The following CLVS1 variants were observed in gnomAD, a reference collection of about 807,000 sequenced individuals.
The protein encoded by CLVS1 is clavesin-1.
In CLVS1, 10 loss-of-function variants were observed where a neutral mutation model predicts 33.1. The observed-to-expected ratio is 0.30, with a 90% confidence interval of 0.19 to 0.51. The LOEUF (loss-of-function observed/expected upper bound fraction) is 0.51. Among genes scored for constraint, CLVS1 ranks in the 20% least tolerant of loss-of-function variants. The probability of loss-of-function intolerance (pLI) is 0.97; values close to 1 mark genes in which losing one functional copy is unlikely to be tolerated. For missense variants in CLVS1, 343 were observed against 433.4 expected (o/e 0.79, Z 1.85); for synonymous variants, 163 against 166.1 (o/e 0.98, Z 0.14).
rs1469831802 is a variant in CLVS1, at chr8:61,480,798, G to A, written c.978-18657G>A. 3.3e-5 allele frequency among the ~76,000 whole-genome samples: 5 copies of A among 152,128 alleles called. No homozygotes were observed. The South Asian group carries it at 6.2e-4, about 19-fold the overall frequency. ...GGTTTTTAGGTAAGATGATACAGAC[G>A]TGCATGGGCTTGAAATTGCCTTGGG... On this transcript the variant is annotated intron_variant, in intron 5 of 5. Coordinates refer to ENST00000325897, the MANE Select transcript of CLVS1 (RefSeq NM_173519.3).
At chr8:60,968,086 G>A in the CLVS1 span, among the ~76,000 whole-genome samples, 1 of 152,090 alleles carries the variant, frequency 6.6e-6, no homozygotes, top group Non-Finnish European at 1.5e-5. Context: ...CCACAGGCCT[G>A]CCCCTGGCGA....
At chr8:61,011,192 C>A in the CLVS1 span, among the ~76,000 whole-genome samples, 4 of 152,130 alleles carry the variant, frequency 2.6e-5, no homozygotes, top group African/African-American at 9.7e-5. Flanking sequence ...CTTGAACCCA[C>A]GAGTTTGAGG....
At chr8:60,978,190 T>C in the CLVS1 span, among the ~76,000 whole-genome samples, 1 of 152,242 alleles carries the variant, frequency 6.6e-6, no homozygotes. Context: ...TAGATATTAA[T>C]AGTAAATTGA....
chr8:61,211,398 A>T (rs1344914428), intron 2 of CLVS1, among the ~76,000 whole-genome samples: 4 of 91,810 alleles, frequency 4.4e-5, no homozygotes, highest in East Asian at 3.2e-4. Flanking sequence ...TTCCCCCTTT[A>T]CCTCCTCCTC....
intron 3 of CLVS1, among the ~76,000 whole-genome samples, chr8:61,404,582 C>T (rs549820270): frequency 1.1e-3 from 168 of 152,142 alleles, no homozygotes; most frequent in Non-Finnish European, 1.2e-3. Flanking sequence ...CAGTGACTAC[C>T]AAGTGACAAG....
intron 3 of CLVS1, among the ~76,000 whole-genome samples, chr8:61,416,272 G>A (rs1450915127): frequency 6.6e-6 from 1 of 151,010 alleles, no homozygotes; most frequent in Non-Finnish European, 1.5e-5. Flanking sequence ...GAAAGCATTA[G>A]TTGAACAAGA....
chr8:61,492,822 A>T (rs569365096), intron 5 of CLVS1, among the ~76,000 whole-genome samples: 15 of 152,300 alleles, frequency 9.8e-5, no homozygotes, highest in African/African-American at 2.6e-4. Context: ...GGCTTCTCTT[A>T]AAAAAATTAT....
chr8:61,086,199 C>A (rs1805124518), intron 1 of CLVS1, among the ~76,000 whole-genome samples: 1 of 151,640 alleles, frequency 6.6e-6, no homozygotes. Context: ...TGCACTCCAG[C>A]CTGGGAGCCA....
intron 5 of CLVS1, among the ~76,000 whole-genome samples, chr8:61,466,722 A>C (rs1817558292): frequency 6.6e-6 from 1 of 152,136 alleles, no homozygotes; most frequent in African/African-American, 2.4e-5. Context: ...ATCTCAGCTC[A>C]CTGCAACCTC....
intron 2 of CLVS1, among the ~76,000 whole-genome samples, chr8:61,260,493 G>T (rs934707594): frequency 6.6e-6 from 1 of 152,198 alleles, no homozygotes; most frequent in African/African-American, 2.4e-5. Context: ...TGAATAGGAA[G>T]AAGTACATTT....
At chr8:61,332,744 G>A (rs187197086) in intron 2 of CLVS1, among the ~76,000 whole-genome samples, 185 of 152,148 alleles carry the variant, frequency 1.2e-3, no homozygotes, top group African/African-American at 4.1e-3. Flanking sequence ...GGGTTCAAGC[G>A]CTTCTGCCTC....
intron 3 of CLVS1, among the ~76,000 whole-genome samples, chr8:61,412,289 T>C (rs1007406980): frequency 5.3e-5 from 8 of 152,144 alleles, no homozygotes; most frequent in African/African-American, 1.9e-4. Flanking sequence ...CTATGAGATA[T>C]GTACTGACAA....
chr8:61,365,914 G>A (rs1813193223), intron 2 of CLVS1, among the ~76,000 whole-genome samples: 1 of 152,072 alleles, frequency 6.6e-6, no homozygotes, highest in African/African-American at 2.4e-5. Context: ...AACCTTGACT[G>A]AAAATAGAAT....
chr8:61,272,515 T>A (rs1173498737), intron 2 of CLVS1, among the ~76,000 whole-genome samples: 1 of 152,146 alleles, frequency 6.6e-6, no homozygotes, highest in Admixed American at 6.5e-5. Flanking sequence ...GTGTTCTCTG[T>A]ATTTCCTGAA....
chr8:61,427,507 A>C (rs538100099), intron 3 of CLVS1, among the ~76,000 whole-genome samples: 23 of 152,324 alleles, frequency 1.5e-4, no homozygotes, highest in African/African-American at 5.3e-4. Context: ...AAAGATGATC[A>C]ATACTGCAGT....
intron 1 of CLVS1, among the ~76,000 whole-genome samples, chr8:61,094,360 T>C (rs747632413): frequency 2.6e-5 from 4 of 152,178 alleles, no homozygotes; most frequent in African/African-American, 7.2e-5. Context: ...TGCTGCCTCA[T>C]TGATGATGAT....
intron 1 of CLVS1, among the ~76,000 whole-genome samples, chr8:61,058,863 G>A (rs771550815): frequency 2.0e-5 from 3 of 151,900 alleles, no homozygotes; most frequent in Admixed American, 6.6e-5. Context: ...TGTTCTTGGT[G>A]TGTTTCAAAA....
intron 1 of CLVS1, among the ~76,000 whole-genome samples, chr8:61,131,190 A>C (rs7001997): frequency 0.27 from 41,073 of 152,024 alleles, 7,750 homozygotes; most frequent in African/African-American, 0.53. Flanking sequence ...ATTATCACTG[A>C]AACCATGGAT....
intron 2 of CLVS1, among the ~76,000 whole-genome samples, chr8:61,214,701 A>T (rs1808048210): frequency 6.6e-6 from 1 of 152,200 alleles, no homozygotes; most frequent in Non-Finnish European, 1.5e-5. Flanking sequence ...GCCTTAGCAA[A>T]CTCAGGCATC....
Sources: gnomAD v4.1 joint callset for allele counts (sites outside exome capture counted in the v4.1 genomes callset) on GRCh38, gnomAD v4.1.1 for gene constraint, MANE v1.5 for transcripts, NCBI Gene and HGNC (gene_info 2026-07-23, HGNC 2026-07-21) for gene names.